The following SNTG1 variants were observed in gnomAD, a reference collection of about 807,000 sequenced individuals.
SNTG1 encodes the protein syntrophin gamma 1, also known as gamma-1-syntrophin.
SNTG1 carries 39 observed loss-of-function variants against 74.7 expected under a neutral mutation model. The ratio of observed to expected loss-of-function variants is 0.52; its 90% CI spans 0.40 to 0.68. The LOEUF (loss-of-function observed/expected upper bound fraction) is 0.68, where lower values mean the gene tolerates loss of function less well. Ranked by LOEUF, SNTG1 falls within the 30% of genes least tolerant of loss-of-function variation. The pLI is 0.00. For missense variants in SNTG1, 685 were observed against 609.5 expected (o/e 1.12, Z -1.30); for synonymous variants, 254 against 217.1 (o/e 1.17, Z -1.49).
chr8:50,679,292 T>C (rs1040115504), intron 15 of SNTG1, among the ~76,000 whole-genome samples: 38 of 152,098 alleles, frequency 2.5e-4, no homozygotes, highest in African/African-American at 8.7e-4. Context: ...AATTAGTTGG[T>C]CAAGAGAAAG....
chr8:50,604,663 C>T (rs1359716045), intron 13 of SNTG1, among the ~76,000 whole-genome samples: 2 of 152,080 alleles, frequency 1.3e-5, no homozygotes, highest in Non-Finnish European at 2.9e-5. Flanking sequence ...CCTTCTACTA[C>T]AGGACAGGTT....
intron 18 of SNTG1, among the ~76,000 whole-genome samples, chr8:50,761,199 G>T (rs184685199): frequency 1.3e-5 from 2 of 151,950 alleles, no homozygotes; most frequent in African/African-American, 4.8e-5. Flanking sequence ...TTATCCCTGG[G>T]ATCAAGGCTG....
chr8:50,502,683 G>A (rs1218672605), intron 8 of SNTG1, 95 bp from the exon 9 acceptor site: 7 of 965,076 alleles, frequency 7.3e-6, no homozygotes, highest in Non-Finnish European at 1.1e-5. Flanking sequence ...GGGAAAAATG[G>A]AAGGTGGAAG....
chr8:49,992,561 C>A (rs1008406846), intron 1 of SNTG1, among the ~76,000 whole-genome samples: 1 of 152,084 alleles, frequency 6.6e-6, no homozygotes, highest in Non-Finnish European at 1.5e-5. Context: ...ATACAGGGAG[C>A]CTCAGCAACC....
rs554249513 is a variant in SNTG1 at position 50,225,408 on chromosome 8, C to T, written c.-28+52773C>T. 2.0e-5 allele frequency among the ~76,000 whole-genome samples: 3 copies of T among 152,260 alleles called. No homozygotes were observed. The South Asian group carries it at 6.2e-4, about 32-fold the overall frequency. On this transcript the variant is annotated intron_variant, in intron 2 of 18. Coordinates refer to ENST00000642720, the MANE Select transcript of SNTG1 (RefSeq NM_018967.5). Reference sequence around the variant, plus strand: ...TAGATAAACTATAAATGCTTTCAACCATTGTCAGTCAGAAAATGTTTGAAT... The same window carrying T: ...TAGATAAACTATAAATGCTTTCAACTATTGTCAGTCAGAAAATGTTTGAAT...
chr8:50,751,451 TTCA>T (rs1255301514), intron 17 of SNTG1, among the ~76,000 whole-genome samples: 2 of 152,054 alleles, frequency 1.3e-5, no homozygotes. Context: ...TACTTTCTGC[TTCA>T]GAGAATTACA....
chr8:50,376,273 A>C (rs2092378017), intron 2 of SNTG1, among the ~76,000 whole-genome samples: 1 of 152,180 alleles, frequency 6.6e-6, no homozygotes, highest in African/African-American at 2.4e-5. Context: ...ATTTATAACA[A>C]AATTGGCAAT....
intron 1 of SNTG1, among the ~76,000 whole-genome samples, chr8:50,159,539 C>G (rs1359529740): frequency 6.6e-6 from 1 of 152,076 alleles, no homozygotes. Context: ...ACTATAATCT[C>G]AATGAGATTT....
intron 9 of SNTG1, among the ~76,000 whole-genome samples, chr8:50,529,589 C>A (rs1228905737): frequency 6.6e-6 from 1 of 151,822 alleles, no homozygotes; most frequent in Admixed American, 6.6e-5. Flanking sequence ...TAGAAAATGA[C>A]AAATCTTTAA....
intron 2 of SNTG1, among the ~76,000 whole-genome samples, chr8:50,291,855 G>A (rs1379914011): frequency 6.6e-6 from 1 of 152,096 alleles, no homozygotes; most frequent in African/African-American, 2.4e-5. Context: ...GAAAAGACCG[G>A]ACATGTTGAT....
Position 50,021,622 on chromosome 8 carries a change from C to G in SNTG1, c.-103+109391C>G, listed in dbSNP as rs144363387. On this transcript the variant is annotated intron_variant, in intron 1 of 18. Coordinates refer to ENST00000642720, the MANE Select transcript of SNTG1 (RefSeq NM_018967.5). ...ATGTGGTTTCATGATCACAAATAAC[C>G]CTTATCAAGCATCTTCTGCTGGACA... Among the ~76,000 whole-genome samples, 430 of 152,074 alleles carry G rather than the reference C, an allele frequency of 2.8e-3. 3 individuals are homozygous for G. The highest frequency in any genetic ancestry group is 1.0e-2 in the African/African-American group (413 of 41,502).
chr8:50,560,087 C>T (rs780366643), intron 12 of SNTG1, among the ~76,000 whole-genome samples: 8 of 152,068 alleles, frequency 5.3e-5, no homozygotes, highest in Non-Finnish European at 1.0e-4. Flanking sequence ...CAAAATAAGA[C>T]ACTCATGCAG....
chr8:50,553,330 T>G (rs2130610295), intron 12 of SNTG1, 151 bp downstream of exon 12: 1 of 1,064,188 alleles, frequency 9.4e-7, no homozygotes, highest in East Asian at 2.6e-5. Flanking sequence ...GTAAGAAAAC[T>G]GAGAGTTCTG....
chr8:50,753,531 A>C (rs1178239507), intron 18 of SNTG1, among the ~76,000 whole-genome samples: 1 of 151,938 alleles, frequency 6.6e-6, no homozygotes, highest in Admixed American at 6.6e-5. Context: ...ACCCTTTGCA[A>C]AGGAACAAGA....
intron 11 of SNTG1, among the ~76,000 whole-genome samples, chr8:50,547,933 A>G (rs561995694): frequency 5.3e-4 from 81 of 152,290 alleles, no homozygotes; most frequent in Admixed American, 1.1e-3. Context: ...CAGAGAAATT[A>G]TGGAAGAGCT....
chr8:50,488,144 C>T (rs1318918422), intron 8 of SNTG1, among the ~76,000 whole-genome samples: 1 of 152,038 alleles, frequency 6.6e-6, no homozygotes, highest in East Asian at 1.9e-4. Context: ...TGCTGTGCAG[C>T]TGGGCTCTAT....
At chr8:50,281,852 C>A (rs2088477494) in intron 2 of SNTG1, among the ~76,000 whole-genome samples, 1 of 152,106 alleles carries the variant, frequency 6.6e-6, no homozygotes, top group Admixed American at 6.6e-5. Context: ...CTGTTAAAGT[C>A]CACTTTGCTG....
At chr8:50,393,628 G>A (rs980403931) in intron 2 of SNTG1, among the ~76,000 whole-genome samples, 9 of 152,048 alleles carry the variant, frequency 5.9e-5, no homozygotes, top group Non-Finnish European at 1.0e-4. Context: ...GTATTATAGT[G>A]ACCATAGATG....
intron 1 of SNTG1, among the ~76,000 whole-genome samples, chr8:50,049,112 G>A (rs1288875197): frequency 6.6e-6 from 1 of 151,804 alleles, no homozygotes; most frequent in East Asian, 1.9e-4. Flanking sequence ...AAAGAAAAAT[G>A]GAAAAGAGCC....
Sources: gnomAD v4.1 joint callset for allele counts (sites outside exome capture counted in the v4.1 genomes callset) on GRCh38, gnomAD v4.1.1 for gene constraint, MANE v1.5 for transcripts, NCBI Gene and HGNC (gene_info 2026-07-23, HGNC 2026-07-21) for gene names.